The following AATF variants were observed in gnomAD, a reference collection of about 807,000 sequenced individuals.
AATF encodes the protein protein AATF.
A neutral mutation model predicts 63.7 loss-of-function variants in AATF; 48 were observed. The ratio of observed to expected loss-of-function variants is 0.75; its 90% CI spans 0.60 to 0.96. The LOEUF is 0.96. Ranked by LOEUF, AATF falls within the 40% of genes least tolerant of loss-of-function variation. AATF has a pLI of 0.00. For synonymous variants in AATF, 258 were observed against 247.7 expected (o/e 1.04, Z -0.39); for missense variants, 639 against 685.7 (o/e 0.93, Z 0.76).
At chr17:37,032,782 G>A (rs756449) in intron 11 of AATF, among the ~76,000 whole-genome samples, 5,714 of 151,952 alleles carry the variant, frequency 0.038, 365 homozygotes, top group African/African-American at 0.13. Flanking sequence ...TTTTCATGTC[G>A]TTAAAATAAT....
chr17:36,988,434 T>G, intron 5 of AATF, 85 bp from the exon 6 acceptor site: 1 of 1,331,136 alleles, frequency 7.5e-7, no homozygotes, highest in Non-Finnish European at 1.0e-6. Flanking sequence ...GGCCTAAATA[T>G]TCTCAGTCCT....
chr17:36,964,170 C>CTTTT (rs36064518), intron 4 of AATF, among the ~76,000 whole-genome samples: 3 of 101,388 alleles, frequency 3.0e-5, no homozygotes, highest in African/African-American at 1.2e-4. Context: ...GGGTGTTTTG[C>CTTTT]TTTTTTTTTT....
chr17:36,972,249 A>G (rs528545859), intron 4 of AATF, among the ~76,000 whole-genome samples: 1 of 152,318 alleles, frequency 6.6e-6, no homozygotes, highest in South Asian at 2.1e-4. Context: ...AATAGATTAC[A>G]CAGAGCTTCT....
chr17:37,051,831 G>A (rs1465825704), intron 11 of AATF, among the ~76,000 whole-genome samples: 1 of 151,876 alleles, frequency 6.6e-6, no homozygotes, highest in Non-Finnish European at 1.5e-5. Flanking sequence ...ATTAGAAAAT[G>A]CCTCACTAAG....
chr17:36,986,871 G>A (rs1026013855), intron 5 of AATF, 140 bp downstream of exon 5: 2 of 688,332 alleles, frequency 2.9e-6, no homozygotes, highest in Non-Finnish European at 4.9e-6. Flanking sequence ...TGATGGTCAG[G>A]ATGGCACATA....
At chr17:37,038,979 A>G (rs1597737287) in intron 11 of AATF, among the ~76,000 whole-genome samples, 3 of 152,274 alleles carry the variant, frequency 2.0e-5, no homozygotes, top group East Asian at 1.9e-4. Context: ...TGTACAGGCA[A>G]TTTATCTTCA....
intron 4 of AATF, among the ~76,000 whole-genome samples, chr17:36,976,963 A>G (rs1305555125): frequency 2.0e-5 from 3 of 152,230 alleles, no homozygotes; most frequent in Non-Finnish European, 4.4e-5. Flanking sequence ...GAGACACTCT[A>G]AGATAATCGG....
chr17:37,017,405 C>T (rs575497280), intron 8 of AATF, among the ~76,000 whole-genome samples: 15 of 152,160 alleles, frequency 9.9e-5, no homozygotes, highest in Non-Finnish European at 1.9e-4. Flanking sequence ...GAACCAGAAG[C>T]CCATTTCTGC....
At chr17:37,008,192 C>A (rs1331666424) in intron 8 of AATF, among the ~76,000 whole-genome samples, 1 of 152,186 alleles carries the variant, frequency 6.6e-6, no homozygotes, top group African/African-American at 2.4e-5. Context: ...TATCTATGAG[C>A]ATGATCTGAT....
chr17:37,029,979 G>T (rs1390824082), intron 10 of AATF, among the ~76,000 whole-genome samples: 2 of 152,148 alleles, frequency 1.3e-5, no homozygotes, highest in Admixed American at 6.5e-5. Context: ...CAGGTTATAG[G>T]CATGAGCCAC....
chr17:36,960,265 G>A (rs1483892396), intron 4 of AATF, among the ~76,000 whole-genome samples: 3 of 152,214 alleles, frequency 2.0e-5, no homozygotes, highest in Middle Eastern at 3.4e-3. Context: ...ACCCGCCTCG[G>A]CCTCCCAAAG....
intron 11 of AATF, among the ~76,000 whole-genome samples, chr17:37,035,605 C>T (rs2071585993): frequency 6.8e-6 from 1 of 147,850 alleles, no homozygotes; most frequent in Middle Eastern, 3.6e-3. Context: ...GTGGTGCAAT[C>T]TTGGCTCACT....
At chr17:36,989,144 G>T in intron 6 of AATF, 103 bp from the exon 7 acceptor site, 1 of 1,318,968 alleles carries the variant, frequency 7.6e-7, no homozygotes, top group South Asian at 1.6e-5. Flanking sequence ...CTGAAAAGAT[G>T]ATTTTCTATC....
chr17:37,019,445 C>G (rs1567986091), intron 9 of AATF, among the ~76,000 whole-genome samples: 1 of 152,176 alleles, frequency 6.6e-6, no homozygotes, highest in Non-Finnish European at 1.5e-5. Context: ...AGGTTCTTTG[C>G]TCTCAGTCGA....
At chr17:36,977,650 A>G (rs181513998) in intron 4 of AATF, among the ~76,000 whole-genome samples, 25 of 152,300 alleles carry the variant, frequency 1.6e-4, no homozygotes, top group Middle Eastern at 6.8e-3. Context: ...AAAATATTCA[A>G]ACAGTTCAAA....
chr17:36,994,888 A>C (rs1264934032), intron 8 of AATF, among the ~76,000 whole-genome samples: 1 of 152,332 alleles, frequency 6.6e-6, no homozygotes, highest in African/African-American at 2.4e-5. Context: ...CTAAGTAGAT[A>C]GGTACTTGGC....
intron 11 of AATF, among the ~76,000 whole-genome samples, chr17:37,042,811 G>T (rs1346223459): frequency 2.7e-5 from 4 of 146,640 alleles, no homozygotes; most frequent in Non-Finnish European, 4.5e-5. Context: ...GTACCATCTC[G>T]GCTCATTGCA....
chr17:37,050,030 C>G (rs942959095), intron 11 of AATF, among the ~76,000 whole-genome samples: 2 of 152,114 alleles, frequency 1.3e-5, no homozygotes, highest in Non-Finnish European at 2.9e-5. Context: ...CAAGCAGACT[C>G]GGTCACAGGA....
intron 11 of AATF, among the ~76,000 whole-genome samples, chr17:37,038,593 A>G (rs1480423557): frequency 6.6e-6 from 1 of 152,212 alleles, no homozygotes; most frequent in Non-Finnish European, 1.5e-5. Context: ...TTAAAAGTGT[A>G]GGTATTGAAT....
Sources: allele counts gnomAD v4.1 joint callset (sites outside exome capture counted in the v4.1 genomes callset), GRCh38; gene constraint gnomAD v4.1.1; transcripts MANE v1.5; gene names NCBI Gene and HGNC (gene_info 2026-07-23, HGNC 2026-07-21).